Variants in TRPV2 observed in about 807,000 individuals in gnomAD.
The protein encoded by TRPV2 is OTRPC2.
A neutral mutation model predicts 91.0 loss-of-function variants in TRPV2; 58 were observed. The ratio of observed to expected loss-of-function variants is 0.64; its 90% CI spans 0.52 to 0.79. The LOEUF is 0.79. Among genes scored for constraint, TRPV2 ranks in the 30% least tolerant of loss-of-function variants. The pLI is 0.00. For missense variants in TRPV2, 807 were observed against 969.6 expected (o/e 0.83, Z 2.23); for synonymous variants, 417 against 414.8 (o/e 1.01, Z -0.06).
chr17:16,430,478 A>T (rs1295811152), intron 10 of TRPV2, among the ~76,000 whole-genome samples: 1 of 146,610 alleles, frequency 6.8e-6, no homozygotes, highest in Non-Finnish European at 1.5e-5. Flanking sequence ...ATGTGTCAGA[A>T]ATGCCTTCCT....
At chr17:16,417,906 C>A (rs769822028) in intron 2 of TRPV2, 38 bp downstream of exon 2, 12 of 1,589,578 alleles carry the variant, frequency 7.5e-6, no homozygotes, top group East Asian at 2.3e-5. Context: ...AGGGGGCCCC[C>A]TGCCCAGCTC....
At chr17:16,423,361 G>A (rs2093367105) in intron 4 of TRPV2, 108 bp from the exon 5 acceptor site, 2 of 1,300,294 alleles carry the variant, frequency 1.5e-6, no homozygotes, top group Non-Finnish European at 2.1e-6. Flanking sequence ...CAGTGGTAAA[G>A]AAGCCTGACC....
At chr17:16,429,112 T>C in intron 10 of TRPV2, 130 bp downstream of exon 10, 1 of 1,045,562 alleles carries the variant, frequency 9.6e-7, no homozygotes, top group Non-Finnish European at 1.4e-6. Context: ...AGATGCTTGC[T>C]GGATGGAAGC....
chr17:16,436,202 G>A (rs1364047365), intron 14 of TRPV2, among the ~76,000 whole-genome samples: 1 of 152,092 alleles, frequency 6.6e-6, no homozygotes, highest in Non-Finnish European at 1.5e-5. Flanking sequence ...ACTGCAGGGG[G>A]GCCCAGCCTG....
At chr17:16,431,017 T>G (rs1046970208) in intron 10 of TRPV2, among the ~76,000 whole-genome samples, 11 of 151,738 alleles carry the variant, frequency 7.2e-5, no homozygotes, top group African/African-American at 2.7e-4. Context: ...GTTCTATATT[T>G]TATTTTGTGA....
rs1194312683 is a variant in TRPV2, at chr17:16,433,573, G to A, written c.1990-1G>A. On this transcript the variant is annotated splice_acceptor_variant, in intron 12 of 14. Coordinates refer to ENST00000338560, the MANE Select transcript of TRPV2 (RefSeq NM_016113.5). LOFTEE classifies it high-confidence loss of function. ...CTGTCTGATGCATCCTTTGTCCCCA[G>A]AAAGCCATCTCTGTCCTGGAGATGG... The A allele has an allele frequency of 6.2e-7, 1 of 1,613,870 alleles. No homozygotes were observed. Among genetic ancestry groups the A allele is most frequent in the African/African-American group, 1.3e-5 (1 of 74,952 alleles).
intron 3 of TRPV2, among the ~76,000 whole-genome samples, chr17:16,420,581 C>T (rs1339607806): frequency 6.6e-6 from 1 of 152,148 alleles, no homozygotes; most frequent in Non-Finnish European, 1.5e-5. Context: ...AATGCACATA[C>T]CATATACTTA....
chr17:16,418,921 TAA>T (rs1393618737), intron 2 of TRPV2, among the ~76,000 whole-genome samples: 1 of 151,546 alleles, frequency 6.6e-6, no homozygotes, highest in Non-Finnish European at 1.5e-5. Flanking sequence ...GCTGTTGGCT[TAA>T]AAAGTCTACC....
Position 16,422,654 on chromosome 17 carries a change from A to AATGTGAACCTTAAGGACGGG in TRPV2, c.390_391insATGTGAACCTTAAGGACGGG (p.Val131MetfsTer2). On this transcript the variant is annotated stop_gained and frameshift_variant, in exon 4 of 15. Coordinates refer to ENST00000338560, the MANE Select transcript of TRPV2 (RefSeq NM_016113.5). LOFTEE classifies it high-confidence loss of function. ...AGGCTGTGCTGAACCTTAAGGACGGAGTCAATGCCTGCATTCTGCCACTGC... is the reference window on the plus strand; with the variant it reads ...AGGCTGTGCTGAACCTTAAGGACGGAATGTGAACCTTAAGGACGGGGTCAATGCCTGCATTCTGCCACTGC... The AATGTGAACCTTAAGGACGGG allele has an allele frequency of 6.2e-7, 1 of 1,613,640 alleles. No individual in the cohort carries two copies. Among genetic ancestry groups the AATGTGAACCTTAAGGACGGG allele is most frequent in the Non-Finnish European group, 8.5e-7 (1 of 1,179,786 alleles).
intron 8 of TRPV2, 129 bp from the exon 9 acceptor site, chr17:16,428,188 C>T: frequency 1.2e-6 from 1 of 807,162 alleles, no homozygotes; most frequent in Admixed American, 1.9e-5. Flanking sequence ...CAGAAGTATT[C>T]ATGAGTCCCC....
Position 16,432,181 on chromosome 17 carries a change from C to T in TRPV2, c.1870C>T (p.Leu624=), listed in dbSNP as rs1182110287. 1 of 1,614,166 alleles carries T rather than the reference C, an allele frequency of 6.2e-7. No homozygotes were observed. Among genetic ancestry groups the T allele is most frequent in the Non-Finnish European group, 8.5e-7 (1 of 1,179,976 alleles). ...GCTGCACTTCCGCGGCATGGTGCTGCTGCTGCTGCTGGCCTACGTGCTGCT... is the reference window on the plus strand; with the variant it reads ...GCTGCACTTCCGCGGCATGGTGCTGTTGCTGCTGCTGGCCTACGTGCTGCT... ...EQLHFRGMVL[L]LLLAYVLLTY... is the part of the protein sequence containing the mutation. Residue 624 remains leucine (L), a synonymous_variant, in exon 12 of 15, where the codon CTG becomes TTG. Coordinates refer to ENST00000338560, the MANE Select transcript of TRPV2 (RefSeq NM_016113.5).
chr17:16,434,040 CTG>C (rs961708633), intron 13 of TRPV2, among the ~76,000 whole-genome samples: 1 of 152,192 alleles, frequency 6.6e-6, no homozygotes, highest in Non-Finnish European at 1.5e-5. Flanking sequence ...CCTGGCTGCT[CTG>C]TGTCCCCCCA....
At chr17:16,430,641 AC>A (rs1236297454) in intron 10 of TRPV2, among the ~76,000 whole-genome samples, 8 of 152,040 alleles carry the variant, frequency 5.3e-5, no homozygotes, top group Non-Finnish European at 7.4e-5. Flanking sequence ...ATGTGTCACC[AC>A]ATCCGGCAAA....
intron 14 of TRPV2, among the ~76,000 whole-genome samples, chr17:16,436,489 C>G (rs1475190770): frequency 6.6e-6 from 1 of 152,214 alleles, no homozygotes; most frequent in Non-Finnish European, 1.5e-5. Flanking sequence ...GGTCCCCTCT[C>G]TCCTCTGAGC....
At chr17:16,424,071 C>T (rs889620989) in intron 5 of TRPV2, among the ~76,000 whole-genome samples, 1 of 152,066 alleles carries the variant, frequency 6.6e-6, no homozygotes, top group African/African-American at 2.4e-5. Flanking sequence ...CTCACCGCAA[C>T]CTCTGCTTCC....
At chr17:16,428,649 G>C in intron 9 of TRPV2, 168 bp from the exon 10 acceptor site, 1 of 762,552 alleles carries the variant, frequency 1.3e-6, no homozygotes, top group South Asian at 1.8e-5. Flanking sequence ...CACTCTATGA[G>C]TCAGGCATCA....
chr17:16,433,586 G>A lies in TRPV2; in HGVS notation c.2002G>A (p.Val668Ile), dbSNP rs758646410. Reference protein sequence around the residue: ...SIWKLQKAISVLEMENGYWWC... With the variant: ...SIWKLQKAISILEMENGYWWC... ...CCTTTGTCCCCAGAAAGCCATCTCT[G>A]TCCTGGAGATGGAGAATGGCTATTG... The change falls in exon 13 of 15, where the codon GTC (valine) becomes ATC (isoleucine). Residue 668 changes from valine (V) to isoleucine (I), a missense_variant. Coordinates refer to ENST00000338560, the MANE Select transcript of TRPV2 (RefSeq NM_016113.5). The A allele has an allele frequency of 4.3e-6, 7 of 1,614,034 alleles. No individual in the cohort carries two copies. The highest frequency in any genetic ancestry group is 2.2e-5 in the South Asian group (2 of 91,092).
In TRPV2 at chr17:16,426,623, TCTC is replaced by T; in HGVS notation, c.1096-95_1096-93del. 2 of 1,420,454 alleles carry T rather than the reference TCTC, an allele frequency of 1.4e-6. No homozygotes were observed. Among genetic ancestry groups the T allele is most frequent in the South Asian group, 2.7e-5 (2 of 74,026 alleles). 88.0% of individuals were successfully genotyped at this position (1,420,454 alleles called of 1,614,324 possible). A position where few individuals can be genotyped will look rare whatever the true frequency, so the allele number is the denominator to read the frequency against. ...GTGTGGAAGCCTGCTCCCTGTCCTC[TCTC>T]CTCATTTCCTGGGCCCTTGCTTTGA... On this transcript the variant is annotated intron_variant, in intron 6 of 14. Coordinates refer to ENST00000338560, the MANE Select transcript of TRPV2 (RefSeq NM_016113.5). This position sits in a 1 kb window ranked among gnomAD's most constrained non-coding sequence, Gnocchi z 6.0.
chr17:16,425,634 A>G (rs2093379435), intron 5 of TRPV2, among the ~76,000 whole-genome samples: 1 of 152,184 alleles, frequency 6.6e-6, no homozygotes, highest in Non-Finnish European at 1.5e-5. Flanking sequence ...GGCCTATGAA[A>G]GCAGTGTCCT....
Sources: allele counts gnomAD v4.1 joint callset (sites outside exome capture counted in the v4.1 genomes callset), GRCh38; gene constraint gnomAD v4.1.1; non-coding constraint Gnocchi (gnomAD v3.1); transcripts MANE v1.5; gene names NCBI Gene and HGNC (gene_info 2026-07-23, HGNC 2026-07-21).